The following TOPBP1 variants were observed in gnomAD, a reference collection of about 807,000 sequenced individuals.
TOPBP1 encodes the protein DNA topoisomerase II binding protein 1.
A neutral mutation model predicts 167.7 loss-of-function variants in TOPBP1; 28 were observed. That is an observed-to-expected ratio of 0.17 (90% CI 0.12 to 0.23). The LOEUF (loss-of-function observed/expected upper bound fraction) is 0.23, where lower values mean the gene tolerates loss of function less well. TOPBP1 is among the 10% of genes least tolerant of loss of function. The probability of loss-of-function intolerance (pLI) is 1.00; values close to 1 mark genes in which losing one functional copy is unlikely to be tolerated. For synonymous variants in TOPBP1, 598 were observed against 611.4 expected, an observed-to-expected ratio of 0.98 and a Z score of 0.32; for missense variants, 1,554 against 1,809.6, an observed-to-expected ratio of 0.86 and a Z score of 2.56.
chr3:133,653,351 T>G lies in TOPBP1; in HGVS notation c.916A>C (p.Ile306Leu). The change falls in exon 7 of 28, where the codon ATT becomes CTT. Residue 306 changes from isoleucine (I) to leucine (L), a missense_variant. Around this residue, in one of 3 missense-constraint regions of TOPBP1, gnomAD observed 1,197 missense variants for 1,351.5 expected, o/e 0.89. Transcript: ENST00000260810. ...TAATCTCAATGAGACTCACTATCAA[T>G]TGTGTTGATCTGGCTGGTAGGAGTT... ...SSTPTSQINTIDSRTLSDVSN... is the reference protein window; with the variant it reads ...SSTPTSQINTLDSRTLSDVSN... 6.3e-7 allele frequency: 1 copy of G among 1,593,540 alleles called. No homozygotes were observed. The highest frequency in any genetic ancestry group is 1.4e-5 in the African/African-American group (1 of 73,776).
At chr3:133,651,248 G>A (rs562844730) in intron 8 of TOPBP1, among the ~76,000 whole-genome samples, 1 of 136,814 alleles carries the variant, frequency 7.3e-6, no homozygotes, top group South Asian at 2.4e-4. Context: ...GTGCAATGGC[G>A]CAATCTCGGC....
intron 13 of TOPBP1, among the ~76,000 whole-genome samples, chr3:133,638,976 C>G (rs1227550258): frequency 6.6e-6 from 1 of 152,096 alleles, no homozygotes; most frequent in Non-Finnish European, 1.5e-5. Flanking sequence ...TACAGAGTGT[C>G]ATGGTGAAAC....
chr3:133,609,727 G>A (rs1427703326), intron 25 of TOPBP1, among the ~76,000 whole-genome samples: 2 of 152,176 alleles, frequency 1.3e-5, no homozygotes, highest in African/African-American at 4.8e-5. Context: ...CTTCTTACAT[G>A]ACTGTAAGCT....
intron 23 of TOPBP1, among the ~76,000 whole-genome samples, chr3:133,613,016 T>C (rs11713205): frequency 0.14 from 21,274 of 152,066 alleles, 1,842 homozygotes; most frequent in Non-Finnish European, 0.2. Context: ...CACACCACTA[T>C]GGCCTGGCTA....
chr3:133,612,578 C>T, intron 23 of TOPBP1, 26 bp from the exon 24 acceptor site: 1 of 1,568,818 alleles, frequency 6.4e-7, no homozygotes, highest in Non-Finnish European at 8.7e-7. Flanking sequence ...ATGGATTGTA[C>T]TTTATTGATT....
chr3:133,661,806 G>A lies in TOPBP1; in HGVS notation c.-45C>T, dbSNP rs1162328347. On this transcript the variant is annotated 5_prime_UTR_variant, in exon 1 of 28. Coordinates refer to ENST00000260810, the MANE Select transcript of TOPBP1 (RefSeq NM_007027.4). ...TCGGGGTCTCCGGGCGGCGAGTCGG[G>A]GGACGCGCTGGCCGCAGGGCGGTGG... 1 of 152,588 alleles carries A rather than the reference G, an allele frequency of 6.6e-6. No homozygotes were observed. Among genetic ancestry groups the A allele is most frequent in the Non-Finnish European group, 1.5e-5 (1 of 68,070 alleles). 9.5% of individuals were successfully genotyped at this position (152,588 alleles called of 1,614,324 possible). A position where few individuals can be genotyped will look rare whatever the true frequency, so the allele number is the denominator to read the frequency against.
intron 25 of TOPBP1, among the ~76,000 whole-genome samples, chr3:133,609,869 T>C (rs6780074): frequency 0.013 from 2,027 of 152,330 alleles, 48 homozygotes; most frequent in African/African-American, 0.046. Context: ...TTGTAAGCCA[T>C]GGATCCCTTT....
At chr3:133,620,626 A>G (rs1035628318) in intron 19 of TOPBP1, among the ~76,000 whole-genome samples, 1 of 146,480 alleles carries the variant, frequency 6.8e-6, no homozygotes, top group Non-Finnish European at 1.5e-5. Flanking sequence ...CCCAGGCTGG[A>G]CAGTGGTGCG....
At chr3:133,652,741 A>G (rs1936347042) in intron 7 of TOPBP1, 112 bp from the exon 8 acceptor site, 6 of 857,484 alleles carry the variant, frequency 7.0e-6, no homozygotes, top group Non-Finnish European at 1.1e-5. Flanking sequence ...CTTCCAAAGT[A>G]AGATTCAGGG....
chr3:133,608,869 A>G lies in TOPBP1; in HGVS notation c.4263+4T>C. The G allele has an allele frequency of 6.2e-7, 1 of 1,606,294 alleles. No homozygotes were observed. On this transcript the variant is annotated splice_donor_region_variant and intron_variant, in intron 26 of 27. Transcript: ENST00000260810. The stretch of plus-strand genomic sequence containing the variant: ...AAAGGTCAGTAAATTAATTTGATAC[A>G]AACCTTTGCTCCTCCTGACTGAAGA...
intron 16 of TOPBP1, among the ~76,000 whole-genome samples, chr3:133,624,668 G>T (rs1935207838): frequency 6.6e-6 from 1 of 152,028 alleles, no homozygotes; most frequent in African/African-American, 2.4e-5. Flanking sequence ...AACCATAAAG[G>T]TATTTCAAAT....
chr3:133,633,287 A>C (rs1304494145), intron 14 of TOPBP1, among the ~76,000 whole-genome samples: 1 of 152,094 alleles, frequency 6.6e-6, no homozygotes, highest in Non-Finnish European at 1.5e-5. Context: ...GACGCCATTG[A>C]CCTTCATAAT....
At chr3:133,607,650 A>T (rs1014677772) in intron 27 of TOPBP1, among the ~76,000 whole-genome samples, 1 of 152,116 alleles carries the variant, frequency 6.6e-6, no homozygotes, top group African/African-American at 2.4e-5. Context: ...TGATTCCAGG[A>T]GTCCAAGGGT....
At chr3:133,651,381 G>T (rs547837231) in intron 8 of TOPBP1, among the ~76,000 whole-genome samples, 21 of 151,602 alleles carry the variant, frequency 1.4e-4, no homozygotes, top group Non-Finnish European at 2.9e-4. Context: ...GTAGAGACAG[G>T]GTTTCACCAT....
chr3:133,637,869 A>C lies in TOPBP1; in HGVS notation c.2520+7T>G. ...TTAACTCTGGGACCACTGCCTATAA[A>C]CCTTACCTTCACATCAAAGGAAGGC... On this transcript the variant is annotated splice_region_variant and intron_variant, in intron 14 of 27. Transcript: ENST00000260810. 1 of 1,613,194 alleles carries C rather than the reference A, an allele frequency of 6.2e-7. No homozygotes were observed. Among genetic ancestry groups the C allele is most frequent in the Non-Finnish European group, 8.5e-7 (1 of 1,179,342 alleles).
At chr3:133,639,882 A>T in intron 13 of TOPBP1, 77 bp downstream of exon 13, 1 of 1,443,136 alleles carries the variant, frequency 6.9e-7, no homozygotes, top group Non-Finnish European at 9.4e-7. Context: ...CTTCCTAAAC[A>T]CAAGCATTGG....
rs1057330262 is a variant in TOPBP1 at position 133,651,247 on chromosome 3, C to T, written c.1089+1216G>A. Among the ~76,000 whole-genome samples, 10 of 136,498 alleles carry T rather than the reference C, an allele frequency of 7.3e-5. No homozygotes were observed. The South Asian group carries it at 1.7e-3, about 23-fold the overall frequency. 89.5% of individuals were successfully genotyped at this position (136,498 alleles called of 152,430 possible). A position where few individuals can be genotyped will look rare whatever the true frequency, so the allele number is the denominator to read the frequency against. On this transcript the variant is annotated intron_variant, in intron 8 of 27. Coordinates refer to ENST00000260810, the MANE Select transcript of TOPBP1 (RefSeq NM_007027.4). ...TGTTGACCAGGCCGGAGTGCAATGG[C>T]GCAATCTCGGCTCACTGTAACCTCC... is the stretch of plus-strand genomic sequence containing the variant.
At chr3:133,623,484 C>T (rs374553596) in intron 17 of TOPBP1, 27 bp from the exon 18 acceptor site, 8 of 1,577,948 alleles carry the variant, frequency 5.1e-6, no homozygotes, top group Non-Finnish European at 6.9e-6. Flanking sequence ...TGCTTTAAGA[C>T]AGGACTGACA....
rs1234436522 is a variant in TOPBP1 at position 133,617,136 on chromosome 3, TCAC to T, written c.3759+21_3759+23del. ...CTAACAGCAGTATGCAAAAGCTGTATCACCATATTAAGGATCAACAAACCTTTT... is the reference window on the plus strand; with the variant it reads ...CTAACAGCAGTATGCAAAAGCTGTATCATATTAAGGATCAACAAACCTTTT... On this transcript the variant is annotated intron_variant, in intron 22 of 27. Coordinates refer to ENST00000260810, the MANE Select transcript of TOPBP1 (RefSeq NM_007027.4). 2.5e-6 allele frequency: 4 copies of T among 1,580,790 alleles called. No individual in the cohort carries two copies. In the South Asian group the frequency reaches 4.7e-5, roughly 18 times the overall value.
Sources: gnomAD v4.1 joint callset for allele counts (sites outside exome capture counted in the v4.1 genomes callset) on GRCh38, gnomAD v4.1.1 for gene constraint, gnomAD v4.1.1 regional missense constraint, MANE v1.5 for transcripts, NCBI Gene and HGNC (gene_info 2026-07-23, HGNC 2026-07-21) for gene names.